KCNN1: variants seen among roughly 807,000 people sequenced by gnomAD.
The protein encoded by KCNN1 is small conductance calcium-activated potassium channel protein 1.
Under a neutral mutation model 44.7 loss-of-function variants are expected in KCNN1, and 20 were observed. That is an observed-to-expected ratio of 0.45 (90% CI 0.32 to 0.65). The LOEUF is 0.65. Among genes scored for constraint, KCNN1 ranks in the 30% least tolerant of loss-of-function variants. The pLI is 0.05. For synonymous variants in KCNN1, 324 were observed against 341.7 expected (o/e 0.95, Z 0.57); for missense variants, 632 against 785.3 (o/e 0.80, Z 2.33).
In KCNN1 at chr19:17,974,183, C is replaced by T; in HGVS notation, c.295C>T (p.Leu99Phe). Residue 99 changes from leucine to phenylalanine, a missense_variant, in exon 2 of 10, where the codon CTC (leucine) becomes TTC (phenylalanine). Around this residue, in one of 3 missense-constraint regions of KCNN1, gnomAD observed 235 missense variants for 224.0 expected, o/e 1.05. Transcript: ENST00000684775. This position sits in a 1 kb window ranked among gnomAD's most constrained non-coding sequence, Gnocchi z 7.3. The part of the protein sequence containing the change: ...VGHRLGHRRA[L>F]FEKRKRLSDY... The stretch of plus-strand genomic sequence containing the variant: ...CCACCGCCTGGGCCACCGGCGGGCG[C>T]TCTTCGAGAAGCGGAAGCGCCTCAG... The T allele has an allele frequency of 6.2e-7, 1 of 1,612,676 alleles. No homozygotes were observed. The highest frequency in any genetic ancestry group is 8.5e-7 in the Non-Finnish European group (1 of 1,179,814).
At chr19:17,987,658 T>C (rs1380382290) in intron 5 of KCNN1, among the ~76,000 whole-genome samples, 1 of 151,998 alleles carries the variant, frequency 6.6e-6, no homozygotes, top group African/African-American at 2.4e-5. Flanking sequence ...CCCCTGCTTG[T>C]GCTCTAGGCC....
At chr19:17,992,578 G>T (rs1599378828) in intron 7 of KCNN1, among the ~76,000 whole-genome samples, 1 of 152,310 alleles carries the variant, frequency 6.6e-6, no homozygotes, top group Admixed American at 6.5e-5. Flanking sequence ...TCCCGCCTGG[G>T]TGACAGAGTG....
chr19:17,976,793 G>A (rs2032222883), intron 3 of KCNN1, among the ~76,000 whole-genome samples: 1 of 150,578 alleles, frequency 6.6e-6, no homozygotes, highest in African/African-American at 2.4e-5. Flanking sequence ...TTGGCTCACT[G>A]CAACCTCCGC....
In KCNN1 at chr19:17,982,622, C is replaced by G. The variant is rs2032456982; in HGVS notation, c.917+495C>G. 3 of 980,662 alleles carry G rather than the reference C, an allele frequency of 3.1e-6. No homozygotes were observed. The Admixed American group carries it at 1.8e-4, about 60-fold the overall frequency. 60.7% of individuals were successfully genotyped at this position (980,662 alleles called of 1,614,324 possible). On this transcript the variant is annotated intron_variant, in intron 4 of 9. Coordinates refer to ENST00000684775, the MANE Select transcript of KCNN1 (RefSeq NM_001386974.1). Reference sequence around the variant, plus strand: ...AGCTGTGTGCGCAGAGCAGCCACTGCCACCGCTGCCGCCATCCCCGACCCG... The same window carrying G: ...AGCTGTGTGCGCAGAGCAGCCACTGGCACCGCTGCCGCCATCCCCGACCCG...
upstream of KCNN1, among the ~76,000 whole-genome samples, chr19:17,965,845 G>A (rs2031789325): frequency 6.6e-6 from 1 of 152,052 alleles, no homozygotes; most frequent in Admixed American, 6.6e-5. Context: ...CACCACGGCC[G>A]GGCCTTGTGC....
chr19:17,983,594 G>A lies in KCNN1; in HGVS notation c.917+1467G>A, dbSNP rs1215122405. Among the ~76,000 whole-genome samples the A allele has an allele frequency of 6.6e-6, 1 of 152,154 alleles. No individual in the cohort carries two copies. Among genetic ancestry groups the A allele is most frequent in the African/African-American group, 2.4e-5 (1 of 41,434 alleles). ...AAGCTGGGTCCTTGCAGGGCTCTGG[G>A]GGGGTGGGGCACGGGGCAGGGCCGG... On this transcript the variant is annotated intron_variant, in intron 4 of 9. Transcript: ENST00000684775. The surrounding 1 kb of genome is among the most constrained non-coding windows in gnomAD (Gnocchi z 4.5).
intron 3 of KCNN1, among the ~76,000 whole-genome samples, chr19:17,980,376 C>G (rs2032364700): frequency 6.6e-6 from 1 of 151,562 alleles, no homozygotes; most frequent in Non-Finnish European, 1.5e-5. Flanking sequence ...GCCACTGCAC[C>G]CATTCTGTTT....
intron 2 of KCNN1, among the ~76,000 whole-genome samples, chr19:17,957,719 G>A (rs993985089): frequency 6.6e-6 from 1 of 152,124 alleles, no homozygotes; most frequent in Non-Finnish European, 1.5e-5. Flanking sequence ...GAACTCAGCG[G>A]CTGCAGTGAG....
chr19:17,952,720 C>T (rs1035610435), intron 1 of KCNN1, among the ~76,000 whole-genome samples: 1 of 152,198 alleles, frequency 6.6e-6, no homozygotes, highest in Non-Finnish European at 1.5e-5. Context: ...TCCCTTTCTC[C>T]TTGCGTTGTG....
At chr19:17,965,279 A>AAAAAG (rs2031771837), upstream of KCNN1, among the ~76,000 whole-genome samples, 1 of 151,670 alleles carries the variant, frequency 6.6e-6, no homozygotes, top group African/African-American at 2.4e-5. Context: ...GTCTCAAAAA[A>AAAAAG]AAAAAAAGAA....
chr19:17,981,660 C>G (rs780481932), intron 3 of KCNN1, 49 bp from the exon 4 acceptor site: 1 of 1,508,020 alleles, frequency 6.6e-7, no homozygotes. Flanking sequence ...GGGCAGGGAG[C>G]GCGGCGCGTG....
At chr19:17,986,192 A>T (rs9676715) in intron 5 of KCNN1, among the ~76,000 whole-genome samples, 2 of 151,132 alleles carry the variant, frequency 1.3e-5, no homozygotes, top group Admixed American at 6.6e-5. Context: ...GGTGAGACCC[A>T]GTCTGTACTA....
At chr19:17,975,064 A>C (rs778520871) in intron 2 of KCNN1, 28 bp from the exon 3 acceptor site, 6 of 1,592,486 alleles carry the variant, frequency 3.8e-6, no homozygotes, top group Middle Eastern at 1.7e-4. Context: ...TCCAGCGTCC[A>C]TCTGGCTGTG....
At chr19:17,992,081 G>A (rs890863571) in intron 7 of KCNN1, among the ~76,000 whole-genome samples, 2 of 152,220 alleles carry the variant, frequency 1.3e-5, no homozygotes, top group African/African-American at 4.8e-5. Context: ...AGCACTTTGG[G>A]AGGCCGAGAT....
Position 17,981,828 on chromosome 19 carries a change from C to T in KCNN1, c.618C>T (p.Arg206=). The change falls in exon 4 of 10, where the codon CGC becomes CGT. Residue 206 remains arginine, a synonymous_variant. Coordinates refer to ENST00000684775, the MANE Select transcript of KCNN1 (RefSeq NM_001386974.1). The part of the protein sequence containing the change: ...CAIHPVPGHY[R]FTWTARLAFT... Reference sequence around the variant, plus strand: ...TTCACCCGGTGCCCGGCCACTACCGCTTCACGTGGACGGCGCGGCTGGCCT... The same window carrying T: ...TTCACCCGGTGCCCGGCCACTACCGTTTCACGTGGACGGCGCGGCTGGCCT... The T allele has an allele frequency of 1.2e-6, 2 of 1,613,220 alleles. No homozygotes were observed. Among genetic ancestry groups the T allele is most frequent in the Non-Finnish European group, 1.7e-6 (2 of 1,179,536 alleles).
At chr19:17,981,521 C>T (rs1157718579) in intron 3 of KCNN1, among the ~76,000 whole-genome samples, 188 bp from the exon 4 acceptor site, 1 of 147,982 alleles carries the variant, frequency 6.8e-6, no homozygotes, top group Non-Finnish European at 1.5e-5. Context: ...CACTGCACTC[C>T]AGCCTGGGCG....
chr19:17,963,156 C>T (rs936332530), upstream of KCNN1, among the ~76,000 whole-genome samples: 12 of 150,470 alleles, frequency 8.0e-5, no homozygotes, highest in Non-Finnish European at 1.0e-4. Flanking sequence ...TACAGGCGCC[C>T]GCCACCACGC....
intron 5 of KCNN1, among the ~76,000 whole-genome samples, chr19:17,988,154 C>CAA (rs59928660): frequency 0.22 from 11,554 of 52,698 alleles, 1,193 homozygotes; most frequent in East Asian, 0.37. Flanking sequence ...GACTCCATCT[C>CAA]AAAAAAAAAA....
At chr19:17,957,331 A>G (rs1489950062) in intron 2 of KCNN1, among the ~76,000 whole-genome samples, 2 of 151,014 alleles carry the variant, frequency 1.3e-5, no homozygotes, top group Non-Finnish European at 3.0e-5. Flanking sequence ...AGAAGGAAGG[A>G]AAGAAGGAAG....
Sources: gnomAD v4.1 joint callset for allele counts (sites outside exome capture counted in the v4.1 genomes callset) on GRCh38, gnomAD v4.1.1 for gene constraint, gnomAD v4.1.1 regional missense constraint, Gnocchi (gnomAD v3.1) non-coding constraint, MANE v1.5 for transcripts, NCBI Gene and HGNC (gene_info 2026-07-23, HGNC 2026-07-21) for gene names.